The following DDX46 variants were observed in gnomAD, a reference collection of about 807,000 sequenced individuals.
DDX46 encodes probable ATP-dependent RNA helicase DDX46.
Under a neutral mutation model 134.9 loss-of-function variants are expected in DDX46, and 30 were observed. The ratio of observed to expected loss-of-function variants is 0.22; its 90% CI spans 0.17 to 0.30. The LOEUF (loss-of-function observed/expected upper bound fraction) is 0.30, where lower values mean the gene tolerates loss of function less well. DDX46 is among the 10% of genes least tolerant of loss of function. The pLI, the probability that DDX46 is intolerant of heterozygous loss-of-function variation, is 1.00. For missense variants in DDX46, 622 were observed against 1,248.7 expected (o/e 0.50, Z 7.56); for synonymous variants, 415 against 404.1 (o/e 1.03, Z -0.32).
At chr5:134,760,978 C>T (rs1237349616) in intron 1 of DDX46, among the ~76,000 whole-genome samples, 2 of 152,120 alleles carry the variant, frequency 1.3e-5, no homozygotes, top group Admixed American at 1.3e-4. Context: ...ATCCACCCGC[C>T]TCGGCCTCCC....
At chr5:134,780,094 A>ATG (rs1754086294) in intron 6 of DDX46, among the ~76,000 whole-genome samples, 1 of 124,324 alleles carries the variant, frequency 8.0e-6, no homozygotes, top group Admixed American at 8.4e-5. Flanking sequence ...TCTGAAAAAA[A>ATG]TATATGTGTG....
At chr5:134,804,911 G>GTT in intron 15 of DDX46, 3 of 340,214 alleles carry the variant, frequency 8.8e-6, no homozygotes, top group South Asian at 2.8e-5. Flanking sequence ...CTGCTGACAT[G>GTT]TTTTTTTTTG....
At chr5:134,786,233 GTGTATA>G (rs1363389319) in intron 11 of DDX46, among the ~76,000 whole-genome samples, 1 of 152,062 alleles carries the variant, frequency 6.6e-6, no homozygotes, top group African/African-American at 2.4e-5. Flanking sequence ...TCATTTCAGA[GTGTATA>G]TGTATATCAA....
intron 15 of DDX46, among the ~76,000 whole-genome samples, chr5:134,807,470 G>A (rs1290528541): frequency 1.3e-5 from 2 of 152,060 alleles, no homozygotes; most frequent in African/African-American, 2.4e-5. Flanking sequence ...TCTCGCTTTG[G>A]CTCCCAAACA....
chr5:134,762,447 G>A (rs1753417491), intron 1 of DDX46, among the ~76,000 whole-genome samples: 1 of 151,874 alleles, frequency 6.6e-6, no homozygotes, highest in African/African-American at 2.4e-5. Context: ...ATGATAAAAA[G>A]GCTGCATGCG....
At chr5:134,813,102 T>G (rs1213636053) in intron 18 of DDX46, among the ~76,000 whole-genome samples, 1 of 152,058 alleles carries the variant, frequency 6.6e-6, no homozygotes, top group Non-Finnish European at 1.5e-5. Flanking sequence ...CCACCATGCT[T>G]GGCTAATTTT....
intron 20 of DDX46, among the ~76,000 whole-genome samples, chr5:134,818,411 T>C (rs919118762): frequency 1.3e-5 from 2 of 150,688 alleles, no homozygotes; most frequent in Admixed American, 6.6e-5. Context: ...ATCTCAATAT[T>C]GACCATAGGG....
chr5:134,769,950 C>CA (rs1478535951), intron 3 of DDX46, among the ~76,000 whole-genome samples: 4 of 151,858 alleles, frequency 2.6e-5, no homozygotes, highest in African/African-American at 9.7e-5. Context: ...CATGAGCCAC[C>CA]ATGCCCAGCC....
intron 11 of DDX46, among the ~76,000 whole-genome samples, chr5:134,787,300 A>G (rs1341429642): frequency 6.6e-6 from 1 of 152,230 alleles, no homozygotes; most frequent in Non-Finnish European, 1.5e-5. Context: ...GCAAAAAAGT[A>G]GGTTCTGTGA....
intron 15 of DDX46, among the ~76,000 whole-genome samples, chr5:134,805,873 G>T (rs942538991): frequency 2.6e-5 from 4 of 152,152 alleles, no homozygotes; most frequent in African/African-American, 9.7e-5. Flanking sequence ...TGATAGACAA[G>T]ACCTAAACTA....
At chr5:134,824,300 A>G (rs1469852334) in intron 21 of DDX46, among the ~76,000 whole-genome samples, 2 of 152,354 alleles carry the variant, frequency 1.3e-5, no homozygotes, top group South Asian at 2.1e-4. Context: ...ATCTAGAAAT[A>G]TAATGATAAT....
chr5:134,830,980 A>G lies in DDX46; in HGVS notation c.*2274A>G, dbSNP rs1419411729. 6.6e-6 allele frequency: 1 copy of G among 152,622 alleles called. No individual in the cohort carries two copies. Among genetic ancestry groups the G allele is most frequent in the Non-Finnish European group, 1.5e-5 (1 of 68,034 alleles). 9.5% of individuals were successfully genotyped at this position (152,622 alleles called of 1,614,324 possible). A position where few individuals can be genotyped will look rare whatever the true frequency, so the allele number is the denominator to read the frequency against. Reference sequence around the variant, plus strand: ...ATAAAATTTTGTTCTAAAATGAAACATATTACTTTGTTAGTACATTTTTTA... The same window carrying G: ...ATAAAATTTTGTTCTAAAATGAAACGTATTACTTTGTTAGTACATTTTTTA... On this transcript the variant is annotated 3_prime_UTR_variant, in exon 23 of 23. Transcript: ENST00000452510.
At chr5:134,802,066 T>C (rs1460011009) in intron 15 of DDX46, among the ~76,000 whole-genome samples, 1 of 152,144 alleles carries the variant, frequency 6.6e-6, no homozygotes, top group African/African-American at 2.4e-5. Flanking sequence ...GTTATGTATA[T>C]GTTTGACTTT....
intron 5 of DDX46, among the ~76,000 whole-genome samples, chr5:134,777,012 A>G (rs765043253): frequency 6.6e-6 from 1 of 151,804 alleles, no homozygotes; most frequent in African/African-American, 2.4e-5. Context: ...GGAGTTAGAG[A>G]CCATCCTGGC....
chr5:134,798,975 T>C (rs1754747646), intron 15 of DDX46, among the ~76,000 whole-genome samples: 1 of 152,226 alleles, frequency 6.6e-6, no homozygotes, highest in Non-Finnish European at 1.5e-5. Flanking sequence ...ATAAAAACTA[T>C]CTATTAATAC....
chr5:134,792,483 T>C (rs1754533805), intron 13 of DDX46, among the ~76,000 whole-genome samples: 1 of 152,172 alleles, frequency 6.6e-6, no homozygotes, highest in African/African-American at 2.4e-5. Context: ...CTGTTTGTTG[T>C]GGTAAGAGAG....
At position 134,782,098 on chromosome 5, in the gene DDX46, T is replaced by C; in HGVS notation, c.1045+12T>C. On this transcript the variant is annotated intron_variant, in intron 8 of 22. Transcript: ENST00000452510. ...AATGTCTCAAGAAGGTAAAATTCCA[T>C]TTTTTCATTTACTGGTTATAAGGGA... 6.3e-7 allele frequency: 1 copy of C among 1,578,828 alleles called. No individual in the cohort carries two copies. The highest frequency in any genetic ancestry group is 8.5e-7 in the Non-Finnish European group (1 of 1,169,700).
intron 21 of DDX46, among the ~76,000 whole-genome samples, chr5:134,824,683 A>C (rs1755542453): frequency 6.6e-6 from 1 of 152,262 alleles, no homozygotes; most frequent in Non-Finnish European, 1.5e-5. Flanking sequence ...AGAGGTAATT[A>C]GATTTTTTAA....
intron 2 of DDX46, among the ~76,000 whole-genome samples, chr5:134,766,406 T>A (rs1400399389): frequency 1.3e-5 from 2 of 151,736 alleles, no homozygotes; most frequent in East Asian, 3.9e-4. Flanking sequence ...AATACAAAAT[T>A]GGCTGGGCAT....
Sources: gnomAD v4.1 joint callset for allele counts (sites outside exome capture counted in the v4.1 genomes callset) on GRCh38, gnomAD v4.1.1 for gene constraint, MANE v1.5 for transcripts, NCBI Gene and HGNC (gene_info 2026-07-23, HGNC 2026-07-21) for gene names.